The following USP14 variants were observed in gnomAD, a reference collection of about 807,000 sequenced individuals.
USP14 encodes the protein ubiquitin specific peptidase 14, also known as ubiquitin carboxyl-terminal hydrolase 14.
Under a neutral mutation model 76.5 loss-of-function variants are expected in USP14, and 38 were observed. The observed-to-expected ratio is 0.50, with a 90% CI of 0.38 to 0.65. The LOEUF is 0.65. USP14 is among the 30% of genes least tolerant of loss of function. USP14 has a pLI of 0.00. For missense variants in USP14, 467 were observed against 586.5 expected (o/e 0.80, Z 2.10); for synonymous variants, 192 against 191.7 (o/e 1.00, Z -0.01).
In USP14 at chr18:209,960, T is replaced by G. The variant is rs1910626019; in HGVS notation, c.1165-11T>G. ...ATCATGATTTAAAATTAAACATTTT[T>G]TTCTCCTCAGAGTGACAAAAAGAGT... On this transcript the variant is annotated splice_polypyrimidine_tract_variant and intron_variant, in intron 13 of 15. Coordinates refer to ENST00000261601, the MANE Select transcript of USP14 (RefSeq NM_005151.4). 4.4e-6 allele frequency: 7 copies of G among 1,577,472 alleles called. No homozygotes were observed. In the South Asian group the frequency reaches 8.2e-5, roughly 18 times the overall value.
At chr18:183,510 G>A (rs1598271270) in intron 5 of USP14, among the ~76,000 whole-genome samples, 1 of 151,688 alleles carries the variant, frequency 6.6e-6, no homozygotes, top group Admixed American at 6.6e-5. Flanking sequence ...AAAATTTCTA[G>A]ATCTGTTTTT....
rs79002808 is a variant in USP14, at chr18:179,536, C to G, written c.300+499C>G. Among the ~76,000 whole-genome samples the G allele has an allele frequency of 7.2e-3, 1,090 of 150,414 alleles. 8 individuals are homozygous for G. Among genetic ancestry groups the G allele is most frequent in the Middle Eastern group, 0.056 (16 of 284 alleles). On this transcript the variant is annotated intron_variant, in intron 4 of 15. Transcript: ENST00000261601. ...ACACGTGTCAATTTTTTTTTTAACA[C>G]CTAGCATTTATTTAGTGCCATTCAT...
At position 213,997 on chromosome 18, in the gene USP14, A is replaced by AGATAGAT. The variant is rs1424554152; in HGVS notation, c.*2716_*2717insAGATGAT. 6.7e-6 allele frequency: 1 copy of AGATAGAT among 149,794 alleles called. No individual in the cohort carries two copies. The highest frequency in any genetic ancestry group is 1.5e-5 in the Non-Finnish European group (1 of 67,358). 9.3% of individuals were successfully genotyped at this position (149,794 alleles called of 1,614,324 possible). On this transcript the variant is annotated 3_prime_UTR_variant, in exon 16 of 16. Transcript: ENST00000261601. Reference sequence around the variant, plus strand: ...AGATTAGATAGATAGATAGATAGATAGATGATGATTGATTGATGATTGATA... The same window carrying AGATAGAT: ...AGATTAGATAGATAGATAGATAGATAGATAGATGATGATGATTGATTGATGATTGATA...
intron 10 of USP14, among the ~76,000 whole-genome samples, chr18:200,182 A>T (rs1049769358): frequency 2.0e-5 from 3 of 152,134 alleles, no homozygotes; most frequent in Admixed American, 6.5e-5. Context: ...TTCCTTAGAG[A>T]TAGTTGTTTT....
At chr18:173,740 A>T (rs536038851) in intron 3 of USP14, among the ~76,000 whole-genome samples, 13 of 152,304 alleles carry the variant, frequency 8.5e-5, no homozygotes, top group Admixed American at 5.9e-4. Flanking sequence ...TGTTTTGAGT[A>T]AATTCTTGTG....
rs551724768 is a variant in USP14, at chr18:173,302, G to A, written c.196-5631G>A. 1.6e-4 allele frequency among the ~76,000 whole-genome samples: 24 copies of A among 151,038 alleles called. No individual in the cohort carries two copies. In the East Asian group the frequency reaches 2.2e-3, roughly 14 times the overall value. ...TTTTTGTATTTTTTTTAGTAGAGAC[G>A]GGGTTTCACCATGTTAGCCAGGATG... is the stretch of plus-strand genomic sequence containing the variant. On this transcript the variant is annotated intron_variant, in intron 3 of 15. Transcript: ENST00000261601.
chr18:203,016 A>G, intron 11 of USP14, 71 bp downstream of exon 11: 1 of 1,604,574 alleles, frequency 6.2e-7, no homozygotes, highest in Non-Finnish European at 8.5e-7. Flanking sequence ...AATTTTATCC[A>G]GTCTTAATTT....
rs1305425856 is a variant in USP14 at position 207,074 on chromosome 18, C to CA, written c.1164+2382_1164+2383insA. The stretch of plus-strand genomic sequence containing the variant: ...AGCACCATTTTTTAAGAAGACTGTT[C>CA]TTTGCCCATCAGATGGTCTTGGAAC... On this transcript the variant is annotated intron_variant, in intron 13 of 15. Coordinates refer to ENST00000261601, the MANE Select transcript of USP14 (RefSeq NM_005151.4). Among the ~76,000 whole-genome samples, 9 of 106,050 alleles carry CA rather than the reference C, an allele frequency of 8.5e-5. 1 individual carries two copies. Among genetic ancestry groups the CA allele is most frequent in the East Asian group, 2.0e-4 (1 of 5,104 alleles). 69.6% of individuals were successfully genotyped at this position (106,050 alleles called of 152,430 possible).
Position 212,781 on chromosome 18 carries a change from A to T in USP14, c.*1497A>T, listed in dbSNP as rs573167467. 4.6e-5 allele frequency: 7 copies of T among 152,210 alleles called. No homozygotes were observed. Among genetic ancestry groups the T allele is most frequent in the African/African-American group, 1.4e-4 (6 of 41,458 alleles). The allele number at this position is 152,210 out of a possible 1,614,324, so 9.4% of individuals were successfully genotyped here. On this transcript the variant is annotated 3_prime_UTR_variant, in exon 16 of 16. Coordinates refer to ENST00000261601, the MANE Select transcript of USP14 (RefSeq NM_005151.4). ...ACTGATGCTAGGGAAAGGATAAAGCATAGAATACCAGCCAGTTTGGCTCTG... is the reference window on the plus strand; with the variant it reads ...ACTGATGCTAGGGAAAGGATAAAGCTTAGAATACCAGCCAGTTTGGCTCTG...
rs532291554 is a variant in USP14, at chr18:182,594, G to A, written c.404+2255G>A. On this transcript the variant is annotated intron_variant, in intron 5 of 15. Transcript: ENST00000261601. ...TCTTCAAGGCACCTACAGTCTAATA[G>A]AGAAAGACTATCAAGTAAACAGGTA... Among the ~76,000 whole-genome samples the A allele has an allele frequency of 3.9e-5, 6 of 152,306 alleles. No homozygotes were observed. The South Asian group carries it at 1.2e-3, about 32-fold the overall frequency.
chr18:214,606 A>AAAAAG lies in USP14; in HGVS notation c.*3327_*3331dup. 6.3e-7 allele frequency: 1 copy of AAAAAG among 1,580,206 alleles called. No individual in the cohort carries two copies. Among genetic ancestry groups the AAAAAG allele is most frequent in the Non-Finnish European group, 8.6e-7 (1 of 1,163,780 alleles). On this transcript the variant is annotated 3_prime_UTR_variant, in exon 16 of 16. Coordinates refer to ENST00000261601, the MANE Select transcript of USP14 (RefSeq NM_005151.4). ...TAACAAAATCTATCACAGTTTTAAT[A>AAAAAG]AAAAGAAAAAAAAAAGAAGCTAACT...
rs772910121 is a variant in USP14, at chr18:203,069, T to C, written c.943-29T>C. 16 of 1,610,002 alleles carry C rather than the reference T, an allele frequency of 9.9e-6. No individual in the cohort carries two copies. The East Asian group carries it at 3.3e-4, about 34-fold the overall frequency. On this transcript the variant is annotated intron_variant, in intron 11 of 15. Coordinates refer to ENST00000261601, the MANE Select transcript of USP14 (RefSeq NM_005151.4). ...AAACTTGTATGGTATTTTGATGTAA[T>C]GGGATTTCTTTACATTTTGTCTCCT...
At chr18:181,381 G>A (rs1001743292) in intron 5 of USP14, among the ~76,000 whole-genome samples, 6 of 152,182 alleles carry the variant, frequency 3.9e-5, no homozygotes, top group African/African-American at 1.2e-4. Context: ...GCTATGAAGT[G>A]TGGTATCTCA....
At chr18:196,504 A>G (rs1910239743) in intron 6 of USP14, 133 bp from the exon 7 acceptor site, 1 of 969,342 alleles carries the variant, frequency 1.0e-6, no homozygotes, top group Non-Finnish European at 1.4e-6. Context: ...AGCCTGGGCA[A>G]CGGACCAAGA....
intron 3 of USP14, among the ~76,000 whole-genome samples, chr18:167,529 A>G (rs533617592): frequency 1.3e-5 from 2 of 151,174 alleles, no homozygotes; most frequent in African/African-American, 2.4e-5. Context: ...TTTTTTTGAG[A>G]CAGGGTCTCA....
Position 205,646 on chromosome 18 carries a change from T to C in USP14, c.1164+954T>C, listed in dbSNP as rs540584068. 4.6e-5 allele frequency among the ~76,000 whole-genome samples: 7 copies of C among 152,216 alleles called. No individual in the cohort carries two copies. In the East Asian group the frequency reaches 1.2e-3, roughly 25 times the overall value. ...AATAAAAAAAATCAGTTGGATGTGG[T>C]GGCATACACCGGTAGTTCTAGCTAC... On this transcript the variant is annotated intron_variant, in intron 13 of 15. Coordinates refer to ENST00000261601, the MANE Select transcript of USP14 (RefSeq NM_005151.4).
chr18:188,527 C>CTTTTTTTTTTTTTTT (rs1909996999), intron 5 of USP14, among the ~76,000 whole-genome samples: 2 of 93,064 alleles, frequency 2.1e-5, no homozygotes, highest in African/African-American at 4.1e-5. Flanking sequence ...TTTTTTTTTC[C>CTTTTTTTTTTTTTTT]TTTGTGAGGG....
chr18:189,180 T>C (rs1567831955), intron 5 of USP14, among the ~76,000 whole-genome samples: 1 of 152,088 alleles, frequency 6.6e-6, no homozygotes, highest in Non-Finnish European at 1.5e-5. Context: ...TAGAGATTTG[T>C]ATTTTAGTTT....
In USP14 at chr18:211,171, G is replaced by A. The variant is rs1389981878; in HGVS notation, c.1372G>A (p.Val458Ile). The A allele has an allele frequency of 6.2e-6, 10 of 1,613,766 alleles. No individual in the cohort carries two copies. Among genetic ancestry groups the A allele is most frequent in the South Asian group, 2.2e-5 (2 of 91,038 alleles). ...IKFDDDKVSI[V>I]TPEDILRLSG... ...GTTTGATGATGACAAAGTCAGCATC[G>A]TAACACCAGAAGATATCTTACGGCT... Residue 458 changes from valine to isoleucine, a missense_variant, in exon 16 of 16, where the codon GTA becomes ATA. By Grantham distance (29) the Val-to-Ile change is conservative. Transcript: ENST00000261601.
Sources: gnomAD v4.1 joint callset for allele counts (sites outside exome capture counted in the v4.1 genomes callset) on GRCh38, gnomAD v4.1.1 for gene constraint, MANE v1.5 for transcripts, NCBI Gene and HGNC (gene_info 2026-07-23, HGNC 2026-07-21) for gene names.